Variants in SDK1 observed in about 807,000 individuals in gnomAD.
SDK1 encodes sidekick cell adhesion molecule 1, also known as protein sidekick-1.
A neutral mutation model predicts 245.5 loss-of-function variants in SDK1; 157 were observed. The ratio of observed to expected loss-of-function variants is 0.64; its 90% CI spans 0.56 to 0.73. The LOEUF (loss-of-function observed/expected upper bound fraction) is 0.73. SDK1 is among the 30% of genes least tolerant of loss of function. The pLI is 0.00. For missense variants in SDK1, 3,583 were observed against 3,002.3 expected, an observed-to-expected ratio of 1.19 and a Z score of -4.52; for synonymous variants, 1,647 against 1,278.5, an observed-to-expected ratio of 1.29 and a Z score of -6.15.
chr7:3,771,754 C>G (rs1437522328), intron 4 of SDK1, among the ~76,000 whole-genome samples: 1 of 151,986 alleles, frequency 6.6e-6, no homozygotes, highest in African/African-American at 2.4e-5. Context: ...TGGTAAAATA[C>G]AGATAATCAA....
At chr7:3,311,987 C>G (rs970729621) in intron 1 of SDK1, among the ~76,000 whole-genome samples, 2 of 152,142 alleles carry the variant, frequency 1.3e-5, no homozygotes, top group Non-Finnish European at 1.5e-5. Context: ...AGTAAAGGTT[C>G]TCTAGCATCA....
intron 40 of SDK1, among the ~76,000 whole-genome samples, chr7:4,221,812 A>G (rs1329792555): frequency 2.0e-5 from 3 of 152,144 alleles, no homozygotes; most frequent in Non-Finnish European, 2.9e-5. Context: ...CGTTTGCTTC[A>G]TTTTTTAGGC....
intron 1 of SDK1, among the ~76,000 whole-genome samples, chr7:3,357,328 G>T (rs796967190): frequency 0.21 from 11,324 of 52,900 alleles, 756 homozygotes; most frequent in South Asian, 0.32. Context: ...TTCTTTTAGT[G>T]TTTTTTTTTT....
chr7:3,871,880 C>A (rs1285358641), intron 5 of SDK1, among the ~76,000 whole-genome samples: 1 of 152,188 alleles, frequency 6.6e-6, no homozygotes, highest in Non-Finnish European at 1.5e-5. Flanking sequence ...TCTCCTTATT[C>A]CTGATCTTAA....
intron 41 of SDK1, among the ~76,000 whole-genome samples, chr7:4,236,959 T>C (rs986015358): frequency 3.3e-5 from 5 of 152,102 alleles, no homozygotes; most frequent in African/African-American, 1.2e-4. Flanking sequence ...CAGGCTGGAG[T>C]GCAGTGCTGT....
chr7:3,400,418 C>T (rs1056121460), intron 1 of SDK1, among the ~76,000 whole-genome samples: 1 of 152,026 alleles, frequency 6.6e-6, no homozygotes, highest in South Asian at 2.1e-4. Flanking sequence ...TGAGAGTGCC[C>T]CCAACTTCGA....
intron 1 of SDK1, among the ~76,000 whole-genome samples, chr7:3,529,886 C>G (rs1783281461): frequency 6.6e-6 from 1 of 152,070 alleles, no homozygotes; most frequent in African/African-American, 2.4e-5. Flanking sequence ...TGACGACATC[C>G]CAGCCTGAGT....
intron 35 of SDK1, among the ~76,000 whole-genome samples, chr7:4,202,904 A>G (rs1030944086): frequency 1.1e-4 from 16 of 152,130 alleles, no homozygotes; most frequent in African/African-American, 3.9e-4. Flanking sequence ...GTCTGGTGGG[A>G]CATGGAGTTA....
intron 1 of SDK1, among the ~76,000 whole-genome samples, chr7:3,522,867 C>T (rs1488857384): frequency 9.8e-6 from 1 of 102,080 alleles, no homozygotes; most frequent in East Asian, 2.4e-4. Context: ...TGAGTATGGC[C>T]AGCCTTTGTC....
chr7:4,123,784 T>C (rs1280214705), intron 25 of SDK1, among the ~76,000 whole-genome samples: 1 of 152,220 alleles, frequency 6.6e-6, no homozygotes, highest in East Asian at 1.9e-4. Flanking sequence ...GGGGGTTTTC[T>C]ATTTTGTGGA....
intron 5 of SDK1, among the ~76,000 whole-genome samples, chr7:3,904,203 A>G (rs1174539863): frequency 1.3e-5 from 2 of 152,226 alleles, no homozygotes; most frequent in South Asian, 2.1e-4. Context: ...CACATACTGC[A>G]TGAATCAGTT....
intron 5 of SDK1, among the ~76,000 whole-genome samples, chr7:3,915,786 G>A (rs1779354394): frequency 6.6e-6 from 1 of 152,112 alleles, no homozygotes; most frequent in Admixed American, 6.6e-5. Flanking sequence ...TGACTGACTG[G>A]GTTTTACACG....
chr7:3,684,179 G>A (rs970513069), intron 4 of SDK1, among the ~76,000 whole-genome samples: 1 of 152,200 alleles, frequency 6.6e-6, no homozygotes, highest in Non-Finnish European at 1.5e-5. Flanking sequence ...GTCTAGCGTG[G>A]AGCTAAGCCT....
intron 2 of SDK1, among the ~76,000 whole-genome samples, chr7:3,636,709 TATACTC>T (rs1188089265): frequency 6.6e-6 from 1 of 152,184 alleles, no homozygotes. Flanking sequence ...TCTTGGGAAA[TATACTC>T]AGAAGTGGGA....
chr7:3,314,617 A>T (rs532543910), intron 1 of SDK1, among the ~76,000 whole-genome samples: 1 of 152,194 alleles, frequency 6.6e-6, no homozygotes, highest in Non-Finnish European at 1.5e-5. Context: ...AAAATTACTT[A>T]TATCTGTATC....
At chr7:3,637,094 T>C (rs1166895617) in intron 2 of SDK1, among the ~76,000 whole-genome samples, 16 of 150,194 alleles carry the variant, frequency 1.1e-4, no homozygotes, top group East Asian at 2.2e-4. Context: ...CGCGTGTGTG[T>C]GTGTGTGTGT....
intron 4 of SDK1, among the ~76,000 whole-genome samples, chr7:3,815,538 G>C (rs902201484): frequency 2.7e-5 from 4 of 149,434 alleles, no homozygotes; most frequent in African/African-American, 7.4e-5. Flanking sequence ...GAGGATTTTT[G>C]CATCAATGTT....
intron 1 of SDK1, among the ~76,000 whole-genome samples, chr7:3,326,114 C>A (rs1309300367): frequency 2.0e-5 from 3 of 152,042 alleles, no homozygotes; most frequent in African/African-American, 7.2e-5. Flanking sequence ...CTCCTAATGG[C>A]TTAGTGTTTA....
rs1424315026 is a variant in SDK1, at chr7:4,121,187, CTGTGTTTTAATTAATAT to C, written c.3824-6191_3824-6175del. Among the ~76,000 whole-genome samples, 6 of 152,126 alleles carry C rather than the reference CTGTGTTTTAATTAATAT, an allele frequency of 3.9e-5. No individual in the cohort carries two copies. In the South Asian group the frequency reaches 1.2e-3, roughly 32 times the overall value. Reference sequence around the variant, plus strand: ...ATGTTGTTTATTTTTGTAGATGCTACTGTGTTTTAATTAATATTGAGATATAGATTTTGTATCAAAAG... The same window carrying C: ...ATGTTGTTTATTTTTGTAGATGCTACTGAGATATAGATTTTGTATCAAAAG... On this transcript the variant is annotated intron_variant, in intron 25 of 44. Coordinates refer to ENST00000404826, the MANE Select transcript of SDK1 (RefSeq NM_152744.4).
Sources: gnomAD v4.1 joint callset for allele counts (sites outside exome capture counted in the v4.1 genomes callset) on GRCh38, gnomAD v4.1.1 for gene constraint, MANE v1.5 for transcripts, NCBI Gene and HGNC (gene_info 2026-07-23, HGNC 2026-07-21) for gene names.